The following FAM180A variants were observed in gnomAD, a reference collection of about 807,000 sequenced individuals.
FAM180A encodes family with sequence similarity 180 member A.
In FAM180A, 14 loss-of-function variants were observed where a neutral mutation model predicts 15.3. The observed-to-expected ratio is 0.92, with a 90% confidence interval of 0.61 to 1.43. The LOEUF is 1.43. FAM180A is among the 40% of genes most tolerant of loss of function. The probability of loss-of-function intolerance (pLI) is 0.00; values close to 1 mark genes in which losing one functional copy is unlikely to be tolerated. For synonymous variants in FAM180A, 90 were observed against 96.8 expected (o/e 0.93, Z 0.41); for missense variants, 200 against 220.8 (o/e 0.91, Z 0.60).
chr7:135,732,719 A>G (rs1305407960), intron 3 of FAM180A, among the ~76,000 whole-genome samples: 1 of 151,472 alleles, frequency 6.6e-6, no homozygotes, highest in Admixed American at 6.6e-5. Flanking sequence ...ACACACACAC[A>G]CACACACACA....
chr7:135,737,036 A>G, intron 2 of FAM180A, 63 bp downstream of exon 2: 4 of 1,360,562 alleles, frequency 2.9e-6, no homozygotes, highest in Non-Finnish European at 4.1e-6. Context: ...CTTTTCCAAA[A>G]AAGATAGAGA....
chr7:135,732,789 T>C (rs184177961), intron 3 of FAM180A, among the ~76,000 whole-genome samples: 6 of 151,482 alleles, frequency 4.0e-5, no homozygotes, highest in African/African-American at 1.5e-4. Flanking sequence ...TTAAGGTGAT[T>C]TGTATATATA....
intron 1 of FAM180A, among the ~76,000 whole-genome samples, chr7:135,740,073 A>G (rs1454094410): frequency 6.6e-6 from 1 of 152,140 alleles, no homozygotes; most frequent in African/African-American, 2.4e-5. Context: ...CTCTTTGCCA[A>G]AAAAGAGCCA....
At chr7:135,741,241 AT>A (rs1320637059) in intron 1 of FAM180A, among the ~76,000 whole-genome samples, 1 of 152,246 alleles carries the variant, frequency 6.6e-6, no homozygotes, top group African/African-American at 2.4e-5. Flanking sequence ...AAACTTTGTC[AT>A]TTCCAATAGC....
intron 2 of FAM180A, among the ~76,000 whole-genome samples, chr7:135,736,316 C>G (rs111681831): frequency 2.6e-5 from 4 of 152,292 alleles, no homozygotes; most frequent in African/African-American, 9.6e-5. Flanking sequence ...CCACCGCGCC[C>G]AGCCCCCAAC....
At chr7:135,735,345 T>G (rs1796855981) in intron 2 of FAM180A, among the ~76,000 whole-genome samples, 1 of 152,186 alleles carries the variant, frequency 6.6e-6, no homozygotes, top group South Asian at 2.1e-4. Flanking sequence ...ATGTTCAGAG[T>G]TTGAAGGATG....
chr7:135,736,526 T>C (rs1038859649), intron 2 of FAM180A, among the ~76,000 whole-genome samples: 6 of 152,212 alleles, frequency 3.9e-5, no homozygotes, highest in African/African-American at 1.4e-4. Context: ...ATCTTGAGCC[T>C]GGGATCATAA....
At chr7:135,742,837 AT>A (rs1796971185) in intron 1 of FAM180A, among the ~76,000 whole-genome samples, 1 of 152,204 alleles carries the variant, frequency 6.6e-6, no homozygotes, top group African/African-American at 2.4e-5. Context: ...TGAACTTTCC[AT>A]TTTATAGATG....
In FAM180A at chr7:135,737,117, C is replaced by T. The variant is rs762954230; in HGVS notation, c.159G>A (p.Glu53=). 1.9e-6 allele frequency: 3 copies of T among 1,612,760 alleles called. No homozygotes were observed. The highest frequency in any genetic ancestry group is 1.1e-5 in the South Asian group (1 of 90,738). ...TGCCTACCTCGTAGAGCAGCTCCAC[C>T]TCCTCCAGGGAGGTCTGCAGGACTG... The part of the protein sequence containing the change: ...LNPVLQTSLE[E]VELLYEFLLA... Residue 53 remains glutamate, a synonymous_variant, in exon 2 of 4, where the codon GAG becomes GAA. Transcript: ENST00000338588.
intron 1 of FAM180A, among the ~76,000 whole-genome samples, chr7:135,740,320 A>T (rs556025316): frequency 6.6e-6 from 1 of 152,350 alleles, no homozygotes; most frequent in East Asian, 1.9e-4. Context: ...AGTGCTTCTA[A>T]TGACAGCCGA....
chr7:135,729,908 G>A lies in FAM180A; in HGVS notation c.*703C>T. 2.7e-6 allele frequency: 2 copies of A among 728,660 alleles called. No homozygotes were observed. Among genetic ancestry groups the A allele is most frequent in the South Asian group, 6.2e-5 (1 of 16,154 alleles). The allele number at this position is 728,660 out of a possible 1,614,324, so 45.1% of individuals were successfully genotyped here. On this transcript the variant is annotated 3_prime_UTR_variant, in exon 4 of 4. Transcript: ENST00000338588. ...GTATAGAACTTCAGAATTACAAGAT[G>A]AGAAAGTTCCGGGGGTCTGTTTCAC...
intron 1 of FAM180A, among the ~76,000 whole-genome samples, chr7:135,743,148 T>C (rs184072902): frequency 1.3e-5 from 2 of 152,252 alleles, no homozygotes; most frequent in Admixed American, 6.5e-5. Context: ...AATAATGTGA[T>C]ATGCAAGGTC....
rs144211068 is a variant in FAM180A, at chr7:135,737,240, G to A, written c.77-41C>T. ...CAGTGAGTTCCTGGCTGCTGTGTGCGCCCAGACCTTCTCCCTCTGATCCAC... is the reference window on the plus strand; with the variant it reads ...CAGTGAGTTCCTGGCTGCTGTGTGCACCCAGACCTTCTCCCTCTGATCCAC... On this transcript the variant is annotated intron_variant, in intron 1 of 3. Coordinates refer to ENST00000338588, the MANE Select transcript of FAM180A (RefSeq NM_205855.4). 4.2e-4 allele frequency: 600 copies of A among 1,438,332 alleles called. 2 individuals are homozygous for A. The African/African-American group carries it at 7.1e-3, about 17-fold the overall frequency. 89.1% of individuals were successfully genotyped at this position (1,438,332 alleles called of 1,614,324 possible). A position where few individuals can be genotyped will look rare whatever the true frequency, so the allele number is the denominator to read the frequency against.
chr7:135,743,343 T>C (rs1041343912), intron 1 of FAM180A, among the ~76,000 whole-genome samples: 2 of 151,514 alleles, frequency 1.3e-5, no homozygotes, highest in Non-Finnish European at 2.9e-5. Flanking sequence ...TAGTTGAAAC[T>C]ACAGGCGCCA....
intron 1 of FAM180A, among the ~76,000 whole-genome samples, chr7:135,747,504 T>C (rs1797047535): frequency 6.6e-6 from 1 of 152,104 alleles, no homozygotes; most frequent in Admixed American, 6.5e-5. Flanking sequence ...ATAAGTACAG[T>C]AGCTTTTGCC....
At chr7:135,743,407 G>A (rs1563181230) in intron 1 of FAM180A, among the ~76,000 whole-genome samples, 1 of 151,968 alleles carries the variant, frequency 6.6e-6, no homozygotes, top group Admixed American at 6.6e-5. Flanking sequence ...TGGAGATGGG[G>A]TTGTTTACCA....
intron 1 of FAM180A, 42 bp downstream of exon 1, chr7:135,748,463 A>G (rs1376513387): frequency 6.6e-7 from 1 of 1,521,472 alleles, no homozygotes; most frequent in Non-Finnish European, 9.1e-7. Flanking sequence ...TGAAGAAAGT[A>G]TAATGAGCAT....
intron 1 of FAM180A, 118 bp from the exon 2 acceptor site, chr7:135,737,317 T>C: frequency 1.3e-6 from 1 of 756,394 alleles, no homozygotes; most frequent in Non-Finnish European, 2.1e-6. Flanking sequence ...CCAGGCACGG[T>C]GGCTCATGCC....
chr7:135,740,763 G>A (rs1292066972), intron 1 of FAM180A, among the ~76,000 whole-genome samples: 2 of 151,852 alleles, frequency 1.3e-5, no homozygotes, highest in Non-Finnish European at 2.9e-5. Context: ...TTTCTCCTTG[G>A]TATGAGATGA....
Sources: gnomAD v4.1 joint callset for allele counts (sites outside exome capture counted in the v4.1 genomes callset) on GRCh38, gnomAD v4.1.1 for gene constraint, MANE v1.5 for transcripts, NCBI Gene and HGNC (gene_info 2026-07-23, HGNC 2026-07-21) for gene names.